PLEKHA6: variants seen among roughly 807,000 people sequenced by gnomAD.
PLEKHA6 encodes the protein pleckstrin homology domain containing A6.
PLEKHA6 carries 60 observed loss-of-function variants against 116.7 expected under a neutral mutation model. The ratio of observed to expected loss-of-function variants is 0.51; its 90% confidence interval spans 0.42 to 0.64. The LOEUF is 0.64. Ranked by LOEUF, PLEKHA6 falls within the 30% of genes least tolerant of loss-of-function variation. The probability of loss-of-function intolerance (pLI) is 0.00; values close to 1 mark genes in which losing one functional copy is unlikely to be tolerated. For missense variants in PLEKHA6, 1,338 were observed against 1,422.7 expected (o/e 0.94, Z 0.96); for synonymous variants, 489 against 556.1 (o/e 0.88, Z 1.70).
At chr1:204,312,607 G>A (rs983789534) in intron 1 of PLEKHA6, among the ~76,000 whole-genome samples, 13 of 152,190 alleles carry the variant, frequency 8.5e-5, no homozygotes, top group African/African-American at 2.9e-4. Flanking sequence ...TTTCTCGGCA[G>A]CGCTGCTTTG....
At chr1:204,327,502 C>T (rs904796697) in intron 1 of PLEKHA6, among the ~76,000 whole-genome samples, 6 of 152,260 alleles carry the variant, frequency 3.9e-5, no homozygotes, top group Non-Finnish European at 5.9e-5. Flanking sequence ...GTCTCTGGCC[C>T]GCTGAGGCCC....
chr1:204,244,925 A>T lies in PLEKHA6; in HGVS notation c.2111T>A (p.Leu704Gln), dbSNP rs1269460711. The T allele has an allele frequency of 2.6e-6, 4 of 1,527,132 alleles. No individual in the cohort carries two copies. The highest frequency in any genetic ancestry group is 3.5e-6 in the Non-Finnish European group (4 of 1,134,290). The allele number at this position is 1,527,132 out of a possible 1,614,324, so 94.6% of individuals were successfully genotyped here. A position where few individuals can be genotyped will look rare whatever the true frequency, so the allele number is the denominator to read the frequency against. The change falls in exon 15 of 23, where the codon CTG becomes CAG. Residue 704 changes from leucine to glutamine, a missense_variant. Leu to Gln is a moderately radical substitution (Grantham distance 113). Around this residue, in one of 3 missense-constraint regions of PLEKHA6, gnomAD observed 1,136 missense variants for 1,163.6 expected, o/e 0.98. Transcript: ENST00000272203. ...GCCCGACACCAGTGAAAAGGGGCTC[A>T]GGGGGCTGGTGAGGCTGGCAGAGCT... ...PLSSASLTSPLSPFSLVSGSQ... is the reference protein window; with the variant it reads ...PLSSASLTSPQSPFSLVSGSQ...
At chr1:204,234,572 A>T (rs893000975) in intron 17 of PLEKHA6, among the ~76,000 whole-genome samples, 1 of 152,114 alleles carries the variant, frequency 6.6e-6, no homozygotes, top group African/African-American at 2.4e-5. Context: ...TTTTATGCAT[A>T]TGTGATGGTT....
chr1:204,226,682 C>T (rs1162738242), intron 21 of PLEKHA6, among the ~76,000 whole-genome samples: 3 of 152,138 alleles, frequency 2.0e-5, no homozygotes, highest in Non-Finnish European at 1.5e-5. Flanking sequence ...CCCTGAAATA[C>T]CTCCAAGGCT....
At chr1:204,308,587 T>C (rs546193482) in intron 1 of PLEKHA6, among the ~76,000 whole-genome samples, 55 of 152,022 alleles carry the variant, frequency 3.6e-4, no homozygotes, top group African/African-American at 1.3e-3. Context: ...TAAGGTAACA[T>C]GTATACAGGG....
At chr1:204,273,799 G>T (rs1667727225) in intron 2 of PLEKHA6, 59 bp from the exon 3 acceptor site, 1 of 1,241,272 alleles carries the variant, frequency 8.1e-7, no homozygotes, top group Non-Finnish European at 1.2e-6. Flanking sequence ...AATGGAAACA[G>T]CCCATCCTTT....
Position 204,230,547 on chromosome 1 carries a change from C to A in PLEKHA6, c.2449G>T (p.Val817Phe). ...ATCTGCTCCTCCACGCTCATCTTGACCTTCCCCTCGCCAGGAAACACAGCA... is the reference window on the plus strand; with the variant it reads ...ATCTGCTCCTCCACGCTCATCTTGAACTTCCCCTCGCCAGGAAACACAGCA... Reference protein sequence around the residue: ...KSAVFPGEGKVKMSVEEQIDR... With the variant: ...KSAVFPGEGKFKMSVEEQIDR... Residue 817 changes from valine to phenylalanine, a missense_variant, in exon 18 of 23, where the codon GTC becomes TTC. This residue lies in a region of PLEKHA6 where 1,136 missense variants were observed against 1,163.6 expected (regional missense o/e 0.98). Coordinates refer to ENST00000272203, the MANE Select transcript of PLEKHA6 (RefSeq NM_014935.5). 1 of 1,603,268 alleles carries A rather than the reference C, an allele frequency of 6.2e-7. No homozygotes were observed. The highest frequency in any genetic ancestry group is 1.7e-5 in the Admixed American group (1 of 58,316).
At chr1:204,282,899 G>T in intron 1 of PLEKHA6, 1 of 756,554 alleles carries the variant, frequency 1.3e-6, no homozygotes, top group Non-Finnish European at 1.6e-6. Flanking sequence ...CCAGACAGAA[G>T]CAGAGAAAAA....
intron 1 of PLEKHA6, among the ~76,000 whole-genome samples, chr1:204,345,232 T>C (rs1190081135): frequency 1.3e-5 from 2 of 152,166 alleles, no homozygotes; most frequent in Admixed American, 6.5e-5. Context: ...CTGGGCCCGA[T>C]TGGGATGCTT....
chr1:204,227,713 G>T (rs1244502113), intron 21 of PLEKHA6, among the ~76,000 whole-genome samples: 1 of 152,128 alleles, frequency 6.6e-6, no homozygotes, highest in East Asian at 1.9e-4. Context: ...CCCTCTCCCT[G>T]CAACTGAGAA....
intron 1 of PLEKHA6, among the ~76,000 whole-genome samples, chr1:204,324,978 C>T (rs1334666285): frequency 2.6e-5 from 4 of 151,968 alleles, no homozygotes; most frequent in South Asian, 4.2e-4. Flanking sequence ...AGTGCAGTGG[C>T]GTGATCTCAG....
At chr1:204,318,032 G>A (rs1671924544) in intron 1 of PLEKHA6, among the ~76,000 whole-genome samples, 1 of 152,228 alleles carries the variant, frequency 6.6e-6, no homozygotes, top group Admixed American at 6.5e-5. Context: ...GTGCATGTGT[G>A]TGTACACGTG....
intron 1 of PLEKHA6, chr1:204,309,797 G>C: frequency 1.5e-6 from 1 of 670,788 alleles, no homozygotes; most frequent in Non-Finnish European, 1.8e-6. Flanking sequence ...TAGAGCAGGA[G>C]TCAGCAAACT....
intron 1 of PLEKHA6, chr1:204,326,033 A>C (rs1442587957): frequency 1.6e-5 from 5 of 315,718 alleles, no homozygotes; most frequent in Non-Finnish European, 2.3e-5. Flanking sequence ...CATCCAGCAC[A>C]GGGAGCCATG....
intron 3 of PLEKHA6, among the ~76,000 whole-genome samples, chr1:204,269,430 A>C (rs547805036): frequency 8.0e-6 from 1 of 124,596 alleles, no homozygotes; most frequent in African/African-American, 2.9e-5. Context: ...TAGCCAGATT[A>C]TGGTGCTGCT....
chr1:204,250,720 C>A, intron 9 of PLEKHA6, 106 bp from the exon 10 acceptor site: 1 of 814,410 alleles, frequency 1.2e-6, no homozygotes, highest in Non-Finnish European at 2.1e-6. Context: ...AGACCATGGT[C>A]CGTCACCTCT....
At chr1:204,297,935 C>T (rs772898715) in intron 1 of PLEKHA6, 12 of 980,218 alleles carry the variant, frequency 1.2e-5, no homozygotes, top group Non-Finnish European at 1.5e-5. Flanking sequence ...TGCTGTCCTC[C>T]CCCTACTCCT....
At chr1:204,365,467 G>T (rs115906176) in intron 3 of PLEKHA6, among the ~76,000 whole-genome samples, 1 of 152,134 alleles carries the variant, frequency 6.6e-6, no homozygotes, top group African/African-American at 2.4e-5. Context: ...CAGGACCCAT[G>T]GGGGAGGCAT....
At position 204,259,564 on chromosome 1, in the gene PLEKHA6, A is replaced by T; in HGVS notation, c.701T>A (p.Val234Glu). Residue 234 changes from valine to glutamate, a missense_variant, in exon 8 of 23, where the codon GTG becomes GAG. Val to Glu is a moderately radical substitution (Grantham distance 121). Coordinates refer to ENST00000272203, the MANE Select transcript of PLEKHA6 (RefSeq NM_014935.5). This position sits in a 1 kb window ranked among gnomAD's most constrained non-coding sequence, Gnocchi z 4.6. The part of the protein sequence containing the change: ...ERPEVKKEPP[V>E]KANGLPAGPE... The stretch of plus-strand genomic sequence containing the variant: ...TCCAGCTGGGAGGCCATTGGCTTTC[A>T]CCGGAGGCTCTTTCTTGACTTCTGG... 6.2e-7 allele frequency: 1 copy of T among 1,614,044 alleles called. No homozygotes were observed. The highest frequency in any genetic ancestry group is 8.5e-7 in the Non-Finnish European group (1 of 1,180,032).
Sources: gnomAD v4.1 joint callset for allele counts (sites outside exome capture counted in the v4.1 genomes callset) on GRCh38, gnomAD v4.1.1 for gene constraint, gnomAD v4.1.1 regional missense constraint, Gnocchi (gnomAD v3.1) non-coding constraint, MANE v1.5 for transcripts, NCBI Gene and HGNC (gene_info 2026-07-23, HGNC 2026-07-21) for gene names.